DSCAM: variants seen among roughly 807,000 people sequenced by gnomAD.
DSCAM encodes the protein DS cell adhesion molecule, also known as cell adhesion molecule DSCAM.
Under a neutral mutation model 217.7 loss-of-function variants are expected in DSCAM, and 47 were observed. That is an observed-to-expected ratio of 0.22 (90% CI 0.17 to 0.28). The LOEUF (loss-of-function observed/expected upper bound fraction) is 0.28, where lower values mean the gene tolerates loss of function less well. Among genes scored for constraint, DSCAM ranks in the 10% least tolerant of loss-of-function variants. DSCAM has a pLI of 1.00. For synonymous variants in DSCAM, 1,056 were observed against 1,015.3 expected, an observed-to-expected ratio of 1.04 and a Z score of -0.76; for missense variants, 2,080 against 2,618.3, an observed-to-expected ratio of 0.79 and a Z score of 4.49.
At chr21:40,201,515 C>T (rs904171445) in intron 11 of DSCAM, among the ~76,000 whole-genome samples, 3 of 152,086 alleles carry the variant, frequency 2.0e-5, no homozygotes, top group Admixed American at 2.0e-4. Flanking sequence ...GATCTCAGCT[C>T]GCTGCAACCT....
intron 3 of DSCAM, among the ~76,000 whole-genome samples, chr21:40,531,871 A>AC (rs1195239230): frequency 6.6e-6 from 1 of 152,206 alleles, no homozygotes; most frequent in Non-Finnish European, 1.5e-5. Flanking sequence ...AATGCTCTGC[A>AC]CAGCTGTCTA....
At chr21:40,055,863 C>T (rs1265501102) in intron 28 of DSCAM, 23 bp from the exon 29 acceptor site, 3 of 1,571,482 alleles carry the variant, frequency 1.9e-6, no homozygotes, top group Admixed American at 1.7e-5. Flanking sequence ...TGGGGTAATG[C>T]ATTAACAAAT....
At chr21:40,498,813 A>ATATGGGTGTG (rs1293710497) in intron 3 of DSCAM, among the ~76,000 whole-genome samples, 2 of 123,186 alleles carry the variant, frequency 1.6e-5, no homozygotes, top group Non-Finnish European at 3.4e-5. Flanking sequence ...ATATATATAT[A>ATATGGGTGTG]TATATACCCA....
intron 3 of DSCAM, among the ~76,000 whole-genome samples, chr21:40,611,057 A>AATTTTT (rs759914928): frequency 2.3e-5 from 3 of 129,806 alleles, no homozygotes; most frequent in Admixed American, 8.3e-5. Context: ...TTAGTTTTCA[A>AATTTTT]TTTTTTTTTT....
At chr21:40,698,856 C>T (rs946834652) in intron 2 of DSCAM, among the ~76,000 whole-genome samples, 2 of 127,504 alleles carry the variant, frequency 1.6e-5, no homozygotes, top group East Asian at 4.4e-4. Context: ...GGCGACAGAG[C>T]GAGAATCCGT....
intron 3 of DSCAM, among the ~76,000 whole-genome samples, chr21:40,542,922 G>C (rs1274790074): frequency 6.6e-6 from 1 of 151,976 alleles, no homozygotes; most frequent in Non-Finnish European, 1.5e-5. Context: ...CTCCAGGTAG[G>C]TGTCCTCTTC....
intron 16 of DSCAM, among the ~76,000 whole-genome samples, chr21:40,147,927 TGTTTCTAA>T (rs551499261): frequency 1.3e-4 from 20 of 152,294 alleles, no homozygotes; most frequent in African/African-American, 4.8e-4. Context: ...ATAGTTTCTC[TGTTTCTAA>T]GTTTATTTAT....
chr21:40,733,392 G>A (rs1339961656), intron 1 of DSCAM, among the ~76,000 whole-genome samples: 2 of 152,304 alleles, frequency 1.3e-5, no homozygotes, highest in East Asian at 1.9e-4. Flanking sequence ...TCCACTGGGG[G>A]TAATTTTGCC....
chr21:40,770,901 C>G (rs2091438352), intron 1 of DSCAM, among the ~76,000 whole-genome samples: 2 of 152,142 alleles, frequency 1.3e-5, no homozygotes, highest in Non-Finnish European at 2.9e-5. Context: ...AAGTAAAATG[C>G]AAAAACAGAA....
intron 3 of DSCAM, among the ~76,000 whole-genome samples, chr21:40,530,812 C>G (rs1164326791): frequency 6.6e-6 from 1 of 152,106 alleles, no homozygotes; most frequent in East Asian, 1.9e-4. Flanking sequence ...TTTCTTCACT[C>G]TGTCCACATC....
intron 8 of DSCAM, among the ~76,000 whole-genome samples, chr21:40,318,171 T>A (rs2123510431): frequency 8.9e-6 from 1 of 112,556 alleles, no homozygotes; most frequent in South Asian, 3.5e-4. Context: ...AACATCACAT[T>A]CTGGGTACTG....
At position 40,424,701 on chromosome 21, in the gene DSCAM, C is replaced by T. The variant is rs140746312; in HGVS notation, c.509-55456G>A. On this transcript the variant is annotated intron_variant, in intron 3 of 32. Transcript: ENST00000400454. ...CAGAATATAATCAAAGGTTCAACAA[C>T]GATATGCCTGAGGACATGACATTCT... 5.3e-4 allele frequency among the ~76,000 whole-genome samples: 80 copies of T among 152,258 alleles called. No individual in the cohort carries two copies. The East Asian group carries it at 0.01, about 20-fold the overall frequency.
intron 1 of DSCAM, among the ~76,000 whole-genome samples, chr21:40,806,949 G>A (rs34324357): frequency 0.085 from 12,930 of 152,098 alleles, 651 homozygotes; most frequent in African/African-American, 0.14. Context: ...ATCACACACC[G>A]GGGCCTATCG....
chr21:40,312,210 T>C lies in DSCAM; in HGVS notation c.1933A>G (p.Ile645Val), dbSNP rs771261989. The C allele has an allele frequency of 1.2e-6, 2 of 1,614,074 alleles. No homozygotes were observed. The highest frequency in any genetic ancestry group is 1.7e-6 in the Non-Finnish European group (2 of 1,180,004). Reference protein sequence around the residue: ...RPIPGSLGVTIDNIDFTSSLR... With the variant: ...RPIPGSLGVTVDNIDFTSSLR... ...GAGCTCGTGAAGTCAATATTGTCAATGGTCACCCCAAGGCTCCCAGGGATT... is the reference window on the plus strand; with the variant it reads ...GAGCTCGTGAAGTCAATATTGTCAACGGTCACCCCAAGGCTCCCAGGGATT... Residue 645 changes from isoleucine to valine, a missense_variant, in exon 9 of 33, where the codon ATT (isoleucine) becomes GTT (valine). Ile to Val is a conservative substitution (Grantham distance 29, BLOSUM62 3). Around this residue, in one of 5 missense-constraint regions of DSCAM, gnomAD observed 218 missense variants for 364.1 expected, o/e 0.60. Coordinates refer to ENST00000400454, the MANE Select transcript of DSCAM (RefSeq NM_001389.5).
intron 11 of DSCAM, among the ~76,000 whole-genome samples, chr21:40,251,678 G>C (rs2073306708): frequency 6.6e-6 from 1 of 152,134 alleles, no homozygotes; most frequent in Admixed American, 6.5e-5. Context: ...TGATATTCAT[G>C]CCCTTGTGGA....
intron 30 of DSCAM, among the ~76,000 whole-genome samples, chr21:40,051,458 G>A (rs2088929677): frequency 6.6e-6 from 1 of 152,038 alleles, no homozygotes; most frequent in South Asian, 2.1e-4. Flanking sequence ...GGGATAGATG[G>A]GTCTGTTTCT....
intron 3 of DSCAM, among the ~76,000 whole-genome samples, chr21:40,463,227 G>T (rs900103669): frequency 4.0e-5 from 6 of 151,594 alleles, no homozygotes; most frequent in African/African-American, 1.5e-4. Context: ...TGCAAGCAAG[G>T]AGTTATCTGG....
At chr21:40,796,119 T>C (rs1435511815) in intron 1 of DSCAM, among the ~76,000 whole-genome samples, 2 of 152,262 alleles carry the variant, frequency 1.3e-5, no homozygotes, top group Non-Finnish European at 2.9e-5. Flanking sequence ...AAGTGTGTTC[T>C]TGTCCCAACT....
intron 3 of DSCAM, among the ~76,000 whole-genome samples, chr21:40,370,795 A>AT (rs940784647): frequency 1.3e-5 from 2 of 151,662 alleles, no homozygotes; most frequent in Non-Finnish European, 2.9e-5. Context: ...TAATTTTTGT[A>AT]TTTTTTTATA....
Sources: allele counts gnomAD v4.1 joint callset (sites outside exome capture counted in the v4.1 genomes callset), GRCh38; gene constraint gnomAD v4.1.1; regional missense constraint gnomAD v4.1.1; transcripts MANE v1.5; gene names NCBI Gene and HGNC (gene_info 2026-07-23, HGNC 2026-07-21).